Variants in HEATR4 observed in about 807,000 individuals in gnomAD.
HEATR4 encodes HEAT repeat containing 4, also known as HEAT repeat-containing protein 4.
A neutral mutation model predicts 108.8 loss-of-function variants in HEATR4; 95 were observed. The ratio of observed to expected loss-of-function variants is 0.87; its 90% CI spans 0.74 to 1.04. The LOEUF is 1.04. Ranked by LOEUF, HEATR4 falls within the 50% of genes least tolerant of loss-of-function variation. The pLI is 0.00. For synonymous variants in HEATR4, 443 were observed against 459.4 expected (o/e 0.96, Z 0.46); for missense variants, 1,152 against 1,253.8 (o/e 0.92, Z 1.23).
chr14:73,506,886 C>T (rs530736478), intron 9 of HEATR4, among the ~76,000 whole-genome samples: 6 of 145,466 alleles, frequency 4.1e-5, no homozygotes, highest in Middle Eastern at 3.6e-3. Context: ...CTGCAACCTC[C>T]GCCTCTCGGG....
At chr14:73,590,061 A>G in the HEATR4 span, among the ~76,000 whole-genome samples, 2 of 152,154 alleles carry the variant, frequency 1.3e-5, no homozygotes, top group Non-Finnish European at 1.5e-5. Context: ...TACAAAACTA[A>G]ATAGAACAAA....
At chr14:73,591,942 C>T in the HEATR4 span, 4 of 1,361,480 alleles carry the variant, frequency 2.9e-6, no homozygotes, top group South Asian at 5.7e-5. Context: ...CCTTTGAATT[C>T]CCCGCTCCGG....
rs1885909272 is a variant in HEATR4 at position 73,493,286 on chromosome 14, G to A, written c.2786-162C>T. On this transcript the variant is annotated intron_variant, in intron 16 of 17. Coordinates refer to ENST00000553558, the MANE Select transcript of HEATR4 (RefSeq NM_001220484.1). ...GATATTAGATTTTTTTTGGAATTTG[G>A]ATCTTTCATCTGAGTTCTTTTTCAT... The A allele has an allele frequency of 1.8e-5, 11 of 603,068 alleles. No homozygotes were observed. The East Asian group carries it at 3.1e-4, about 17-fold the overall frequency. 37.4% of individuals were successfully genotyped at this position (603,068 alleles called of 1,614,324 possible). A position where few individuals can be genotyped will look rare whatever the true frequency, so the allele number is the denominator to read the frequency against.
chr14:73,508,457 G>T (rs1382242069), intron 8 of HEATR4, among the ~76,000 whole-genome samples, 163 bp from the exon 9 acceptor site: 4 of 152,022 alleles, frequency 2.6e-5, no homozygotes, highest in Non-Finnish European at 5.9e-5. Flanking sequence ...ATATTGAGAA[G>T]AATCATATTG....
intron 7 of HEATR4, 133 bp from the exon 8 acceptor site, chr14:73,509,606 AGTT>A: frequency 2.4e-6 from 2 of 827,954 alleles, no homozygotes; most frequent in Non-Finnish European, 1.9e-6. Flanking sequence ...ATATAATTAC[AGTT>A]TAGCTGAGCC....
Position 73,532,204 on chromosome 14 carries a change from T to C in HEATR4, c.-151-1960A>G, listed in dbSNP as rs372420266. Among the ~76,000 whole-genome samples, 37 of 114,974 alleles carry C rather than the reference T, an allele frequency of 3.2e-4. 10 individuals are homozygous for C. The highest frequency in any genetic ancestry group is 7.4e-4 in the African/African-American group (26 of 35,350). 75.4% of individuals were successfully genotyped at this position (114,974 alleles called of 152,430 possible). A position where few individuals can be genotyped will look rare whatever the true frequency, so the allele number is the denominator to read the frequency against. ...AGATGGTAAAGTAGAAGCTGTCCGT[T>C]GACTTTTCCATTCCCCTTTCAGCTC... On this transcript the variant is annotated intron_variant, in intron 1 of 17. Coordinates refer to ENST00000553558, the MANE Select transcript of HEATR4 (RefSeq NM_001220484.1).
intron 17 of HEATR4, among the ~76,000 whole-genome samples, chr14:73,481,685 C>CA (rs1004550261): frequency 2.9e-4 from 43 of 145,878 alleles, no homozygotes; most frequent in Middle Eastern, 7.1e-3. Flanking sequence ...ACTAAAAATA[C>CA]AAAAAAAAAA....
the HEATR4 span, among the ~76,000 whole-genome samples, chr14:73,574,592 CAGTTT>C: frequency 6.6e-6 from 1 of 151,918 alleles, no homozygotes; most frequent in Non-Finnish European, 1.5e-5. Flanking sequence ...GATGATGACT[CAGTTT>C]AGTTATGACA....
At chr14:73,619,443 C>T in the HEATR4 span, 3 of 1,614,218 alleles carry the variant, frequency 1.9e-6, no homozygotes, top group Non-Finnish European at 2.5e-6. Context: ...CAGGATTTCT[C>T]ACTTTTATGG....
the HEATR4 span, chr14:73,619,269 C>T: frequency 2.5e-6 from 4 of 1,598,618 alleles, no homozygotes; most frequent in Non-Finnish European, 3.4e-6. Context: ...TTGGATTTTC[C>T]AAAGGAGGTG....
the HEATR4 span, among the ~76,000 whole-genome samples, chr14:73,613,481 C>A: frequency 6.6e-6 from 1 of 152,140 alleles, no homozygotes; most frequent in Admixed American, 6.5e-5. Context: ...TCCAAAGAAG[C>A]TAAAATCCAC....
intron 4 of HEATR4, 42 bp from the exon 5 acceptor site, chr14:73,519,205 C>G: frequency 5.1e-6 from 8 of 1,566,896 alleles, no homozygotes; most frequent in Non-Finnish European, 6.9e-6. Context: ...TATAACCTCC[C>G]TATTTCCTTT....
the HEATR4 span, chr14:73,612,690 A>G: frequency 1.4e-6 from 2 of 1,406,168 alleles, no homozygotes; most frequent in Non-Finnish European, 1.8e-6. Flanking sequence ...TCCCTGCGCG[A>G]CGAAGAGGGC....
intron 16 of HEATR4, chr14:73,493,345 G>T: frequency 2.0e-6 from 1 of 498,008 alleles, no homozygotes; most frequent in South Asian, 3.4e-5. Flanking sequence ...GTTTGTTATT[G>T]TTAAATTTGT....
At chr14:73,562,527 C>T (rs370169136), upstream of HEATR4, among the ~76,000 whole-genome samples, 3 of 151,970 alleles carry the variant, frequency 2.0e-5, no homozygotes, top group Non-Finnish European at 2.9e-5. Context: ...CCTGCGGAGT[C>T]GGGCCAAAAG....
rs766038976 is a variant in HEATR4, at chr14:73,506,569, G to C, written c.1884C>G (p.Thr628=). 5 of 1,611,354 alleles carry C rather than the reference G, an allele frequency of 3.1e-6. No homozygotes were observed. In the East Asian group the frequency reaches 6.7e-5, roughly 22 times the overall value. The change falls in exon 10 of 18, where the codon ACC becomes ACG. Residue 628 remains threonine (T), a splice_region_variant and synonymous_variant. Transcript: ENST00000553558. ...ILLSYLSEKT[T]LIHTMLAVEL... The stretch of plus-strand genomic sequence containing the variant: ...CCACAGCAAGCATGGTGTGTATCAG[G>C]GTCTGAGGAAATGGAAGACTTGTAT...
the HEATR4 span, among the ~76,000 whole-genome samples, chr14:73,602,519 A>G: frequency 1.3e-3 from 196 of 152,248 alleles, no homozygotes; most frequent in African/African-American, 4.7e-3. Flanking sequence ...TTGCCTAATA[A>G]ATACAGAGGG....
chr14:73,565,243 T>A, the HEATR4 span, among the ~76,000 whole-genome samples: 1 of 152,122 alleles, frequency 6.6e-6, no homozygotes, highest in Admixed American at 6.6e-5. Flanking sequence ...GAAAAGGTCA[T>A]ACCAGTTTAT....
intron 2 of HEATR4, among the ~76,000 whole-genome samples, chr14:73,526,933 G>A (rs1595141390): frequency 1.3e-5 from 2 of 152,336 alleles, no homozygotes; most frequent in Admixed American, 6.5e-5. Flanking sequence ...AGACAGCCCA[G>A]TGGGGAGAGA....
Sources: gnomAD v4.1 joint callset for allele counts (sites outside exome capture counted in the v4.1 genomes callset) on GRCh38, gnomAD v4.1.1 for gene constraint, MANE v1.5 for transcripts, NCBI Gene and HGNC (gene_info 2026-07-23, HGNC 2026-07-21) for gene names.